Variants in INTU observed in about 807,000 individuals in gnomAD.
INTU encodes the protein inturned planar cell polarity protein.
INTU carries 68 observed loss-of-function variants against 100.5 expected under a neutral mutation model. The ratio of observed to expected loss-of-function variants is 0.68; its 90% CI spans 0.56 to 0.83. INTU has a LOEUF of 0.83. INTU is among the 40% of genes least tolerant of loss of function. The probability of loss-of-function intolerance (pLI) is 0.00; values close to 1 mark genes in which losing one functional copy is unlikely to be tolerated. For missense variants in INTU, 1,071 were observed against 1,114.7 expected, an observed-to-expected ratio of 0.96 and a Z score of 0.56; for synonymous variants, 357 against 395.7, an observed-to-expected ratio of 0.90 and a Z score of 1.16.
intron 6 of INTU, among the ~76,000 whole-genome samples, chr4:127,681,424 T>A (rs1410680381): frequency 5.9e-5 from 9 of 152,038 alleles, no homozygotes; most frequent in Non-Finnish European, 7.4e-5. Context: ...AATGGAACAG[T>A]ACAGAGCCCT....
At chr4:127,661,492 C>T (rs1191208136) in intron 3 of INTU, among the ~76,000 whole-genome samples, 1 of 152,126 alleles carries the variant, frequency 6.6e-6, no homozygotes, top group Non-Finnish European at 1.5e-5. Flanking sequence ...TTCTTATGCA[C>T]AACTCTCATA....
At chr4:127,639,874 A>G (rs1285568612) in intron 1 of INTU, among the ~76,000 whole-genome samples, 4 of 152,098 alleles carry the variant, frequency 2.6e-5, no homozygotes, top group Non-Finnish European at 4.4e-5. Context: ...TATTTCTCCT[A>G]TCTAACTGTA....
At position 127,684,418 on chromosome 4, in the gene INTU, T is replaced by C. The variant is rs945227102; in HGVS notation, c.1191T>C (p.Leu397=). 1.9e-6 allele frequency: 3 copies of C among 1,595,702 alleles called. No individual in the cohort carries two copies. The Admixed American group carries it at 5.3e-5, about 28-fold the overall frequency. Residue 397 remains leucine (L), a synonymous_variant, in exon 7 of 16, where the codon CTT becomes CTC. Coordinates refer to ENST00000335251, the MANE Select transcript of INTU (RefSeq NM_015693.4). ...LIGLPAEEVP[L]PRLRNMIENV... ...AATTTTGCTTTTTTAGAGTTCCTCT[T>C]CCTCGTCTAAGGAACATGATAGAAA...
At chr4:127,688,736 T>C (rs773327940) in intron 8 of INTU, among the ~76,000 whole-genome samples, 2 of 152,204 alleles carry the variant, frequency 1.3e-5, no homozygotes, top group Admixed American at 6.5e-5. Context: ...GGAAGATTTA[T>C]GAGTTATTAC....
At chr4:127,668,295 G>T (rs892105686) in intron 4 of INTU, among the ~76,000 whole-genome samples, 1 of 151,648 alleles carries the variant, frequency 6.6e-6, no homozygotes, top group Non-Finnish European at 1.5e-5. Context: ...TCTGTTTCCC[G>T]GGACATGCTC....
chr4:127,681,639 C>T, intron 6 of INTU, among the ~76,000 whole-genome samples: 1 of 152,110 alleles, frequency 6.6e-6, no homozygotes, highest in Non-Finnish European at 1.5e-5. Context: ...AGACCTAAAA[C>T]CATAAAAACC....
intron 8 of INTU, among the ~76,000 whole-genome samples, chr4:127,698,242 C>T (rs1163842769): frequency 6.6e-6 from 1 of 152,118 alleles, no homozygotes; most frequent in Non-Finnish European, 1.5e-5. Flanking sequence ...GTGGGAGGAT[C>T]ACAAGGTCAG....
At chr4:127,701,670 G>C (rs1309264010) in intron 9 of INTU, among the ~76,000 whole-genome samples, 1 of 152,090 alleles carries the variant, frequency 6.6e-6, no homozygotes, top group Admixed American at 6.6e-5. Context: ...GATGAAACAA[G>C]ATAAGCCATG....
At chr4:127,651,872 G>T (rs950892157) in intron 2 of INTU, among the ~76,000 whole-genome samples, 1 of 151,224 alleles carries the variant, frequency 6.6e-6, no homozygotes, top group Admixed American at 6.6e-5. Flanking sequence ...TCTTCCATTT[G>T]TTTGTATCCT....
chr4:127,686,463 C>T (rs534958881), intron 7 of INTU: 1 of 152,344 alleles, frequency 6.6e-6, no homozygotes, highest in South Asian at 2.1e-4. Flanking sequence ...CTGGTTCCTA[C>T]CTACCCCTCT....
chr4:127,634,598 CATGT>C (rs1300439136), intron 1 of INTU, among the ~76,000 whole-genome samples: 1 of 152,174 alleles, frequency 6.6e-6, no homozygotes, highest in African/African-American at 2.4e-5. Context: ...ATTCAAAATA[CATGT>C]ATGTATGTTA....
chr4:127,713,890 A>C, intron 14 of INTU, 46 bp from the exon 15 acceptor site: 1 of 1,312,602 alleles, frequency 7.6e-7, no homozygotes, highest in South Asian at 1.5e-5. Context: ...TTTTAAAGTA[A>C]CACTGGTAAT....
At chr4:127,654,761 C>T (rs867073782) in intron 2 of INTU, among the ~76,000 whole-genome samples, 16 of 146,074 alleles carry the variant, frequency 1.1e-4, no homozygotes, top group Non-Finnish European at 1.9e-4. Context: ...TGAATCTGAA[C>T]GTTGGCCTGC....
At position 127,633,055 on chromosome 4, in the gene INTU, C is replaced by T. The variant is rs2126166236; in HGVS notation, c.21C>T (p.Cys7=). MASVAS[C]DSRPSSDELP... ...TGACGATGGCCTCTGTGGCTTCGTGCGATTCGCGTCCGAGCTCAGACGAGC... is the reference window on the plus strand; with the variant it reads ...TGACGATGGCCTCTGTGGCTTCGTGTGATTCGCGTCCGAGCTCAGACGAGC... Residue 7 remains cysteine, a synonymous_variant, in exon 1 of 16, where the codon TGC becomes TGT. Coordinates refer to ENST00000335251, the MANE Select transcript of INTU (RefSeq NM_015693.4). 1 of 1,613,292 alleles carries T rather than the reference C, an allele frequency of 6.2e-7. No homozygotes were observed. The highest frequency in any genetic ancestry group is 2.2e-5 in the East Asian group (1 of 44,864).
chr4:127,715,068 A>G (rs562393922), intron 15 of INTU, among the ~76,000 whole-genome samples: 1 of 152,182 alleles, frequency 6.6e-6, no homozygotes, highest in Non-Finnish European at 1.5e-5. Context: ...GTATACATAT[A>G]TGTAAAATGA....
At chr4:127,677,428 G>A (rs1171621928) in intron 6 of INTU, among the ~76,000 whole-genome samples, 2 of 150,730 alleles carry the variant, frequency 1.3e-5, no homozygotes, top group African/African-American at 5.0e-5. Flanking sequence ...TCAGACAGCA[G>A]CATTCGCGGT....
At position 127,633,117 on chromosome 4, in the gene INTU, A is replaced by T. The variant is rs1726908847; in HGVS notation, c.83A>T (p.Asp28Val). 1 of 1,614,072 alleles carries T rather than the reference A, an allele frequency of 6.2e-7. No homozygotes were observed. The highest frequency in any genetic ancestry group is 1.3e-5 in the African/African-American group (1 of 75,050). ...GDPSSQEEDE[D>V]YDFEDRVSDS... ...CCCTCTTCACAAGAAGAAGATGAGG[A>T]CTATGATTTTGAAGATCGGGTCAGC... is the stretch of plus-strand genomic sequence containing the variant. Residue 28 changes from aspartate to valine, a missense_variant, in exon 1 of 16, where the codon GAC (aspartate) becomes GTC (valine). Coordinates refer to ENST00000335251, the MANE Select transcript of INTU (RefSeq NM_015693.4).
intron 7 of INTU, chr4:127,687,240 AC>A (rs1482702808): frequency 6.6e-6 from 1 of 152,338 alleles, no homozygotes; most frequent in Non-Finnish European, 1.5e-5. Context: ...TGTGATAGCT[AC>A]CTAGAAAGAG....
At chr4:127,645,881 G>A (rs1005402155) in intron 2 of INTU, among the ~76,000 whole-genome samples, 2 of 151,838 alleles carry the variant, frequency 1.3e-5, no homozygotes, top group African/African-American at 4.8e-5. Context: ...GTTGTTTTAA[G>A]CCTCAGAATT....
Sources: allele counts gnomAD v4.1 joint callset (sites outside exome capture counted in the v4.1 genomes callset), GRCh38; gene constraint gnomAD v4.1.1; transcripts MANE v1.5; gene names NCBI Gene and HGNC (gene_info 2026-07-23, HGNC 2026-07-21).